PBX1: variants seen among roughly 807,000 people sequenced by gnomAD.
PBX1 encodes pre-B-cell leukemia transcription factor 1.
A neutral mutation model predicts 53.4 loss-of-function variants in PBX1; 6 were observed. The observed-to-expected ratio is 0.11, with a 90% CI of 0.06 to 0.22. PBX1 has a LOEUF of 0.22. PBX1 is among the 10% of genes least tolerant of loss of function. The pLI is 1.00. For synonymous variants in PBX1, 204 were observed against 212.3 expected (o/e 0.96, Z 0.34); for missense variants, 251 against 551.4 (o/e 0.46, Z 5.46).
rs1558044952 is a variant in PBX1 at position 164,849,344 on chromosome 1, TCCCCCGGCA to T, written c.*2678_*2686del. On this transcript the variant is annotated 3_prime_UTR_variant, in exon 9 of 9. Transcript: ENST00000420696. Reference sequence around the variant, plus strand: ...CTTAGTCTTCTCTATACCCAGCACCTCCCCCGGCACCCCCGGCAAGCCCACTATCACTTC... The same window carrying T: ...CTTAGTCTTCTCTATACCCAGCACCTCCCCCGGCAAGCCCACTATCACTTC... 4 of 1,534,972 alleles carry T rather than the reference TCCCCCGGCA, an allele frequency of 2.6e-6. No homozygotes were observed. The highest frequency in any genetic ancestry group is 1.4e-5 in the African/African-American group (1 of 72,816).
intron 2 of PBX1, among the ~76,000 whole-genome samples, chr1:164,708,418 CA>C (rs572946797): frequency 1.7e-3 from 264 of 151,982 alleles, no homozygotes; most frequent in Middle Eastern, 3.4e-3. Context: ...AATTTAGTTT[CA>C]GGGGGGTACA....
chr1:164,640,095 G>C (rs1659028604), intron 2 of PBX1, among the ~76,000 whole-genome samples: 1 of 152,150 alleles, frequency 6.6e-6, no homozygotes. Flanking sequence ...GACAAGACTT[G>C]AATTTTAGAC....
At chr1:164,870,359 TTCGA>T (rs1333241898) in intron 2 of PBX1, among the ~76,000 whole-genome samples, 2 of 101,662 alleles carry the variant, frequency 2.0e-5, no homozygotes, top group Admixed American at 1.0e-4. Context: ...CTTTCTTTCT[TTCGA>T]GATGAAGTCT....
At chr1:164,737,505 CAG>C (rs1000121862) in intron 2 of PBX1, among the ~76,000 whole-genome samples, 3 of 148,838 alleles carry the variant, frequency 2.0e-5, no homozygotes, top group East Asian at 4.0e-4. Context: ...TTTTTTGAGA[CAG>C]AGTCTCTGTC....
intron 2 of PBX1, among the ~76,000 whole-genome samples, chr1:164,785,734 T>A (rs903492501): frequency 1.3e-5 from 2 of 152,182 alleles, no homozygotes; most frequent in African/African-American, 4.8e-5. Flanking sequence ...GTAATTTGTT[T>A]GATTGCACTG....
chr1:164,881,368 A>G (rs549828401), intron 2 of PBX1, among the ~76,000 whole-genome samples: 3 of 11,820 alleles, frequency 2.5e-4, no homozygotes, highest in South Asian at 3.8e-3. Context: ...AAGGAGGAAA[A>G]GAAGGAAGGA....
chr1:164,844,812 A>G (rs1044606384), intron 8 of PBX1, among the ~76,000 whole-genome samples: 2 of 152,178 alleles, frequency 1.3e-5, no homozygotes, highest in Non-Finnish European at 2.9e-5. Context: ...GTTATACTAC[A>G]GAGTCTTTGC....
chr1:164,565,013 T>C (rs1653331537), intron 2 of PBX1, among the ~76,000 whole-genome samples: 1 of 152,144 alleles, frequency 6.6e-6, no homozygotes, highest in South Asian at 2.1e-4. Context: ...AGTCTATTTT[T>C]GAAGATACTT....
chr1:164,560,531 T>C (rs1240094356), intron 1 of PBX1: 4 of 196,554 alleles, frequency 2.0e-5, no homozygotes, highest in Non-Finnish European at 3.7e-5. Context: ...CCAAAATTAA[T>C]TTTTATCTTT....
intron 2 of PBX1, among the ~76,000 whole-genome samples, chr1:164,687,466 A>G (rs1662175324): frequency 6.8e-6 from 1 of 146,022 alleles, no homozygotes; most frequent in Admixed American, 6.9e-5. Context: ...GGAGGCTGAG[A>G]TGGGAGGATC....
chr1:164,639,856 G>A (rs1659011855), intron 2 of PBX1, among the ~76,000 whole-genome samples: 1 of 151,978 alleles, frequency 6.6e-6, no homozygotes, highest in Non-Finnish European at 1.5e-5. Flanking sequence ...TAGAGATGAG[G>A]TCTTACTATG....
At chr1:164,563,691 G>T (rs1653221871) in intron 2 of PBX1, among the ~76,000 whole-genome samples, 1 of 152,096 alleles carries the variant, frequency 6.6e-6, no homozygotes, top group African/African-American at 2.4e-5. Context: ...TTTGGAGTTG[G>T]GTGTGGGGGT....
intron 2 of PBX1, among the ~76,000 whole-genome samples, chr1:164,722,557 A>T (rs1011056785): frequency 6.6e-6 from 1 of 152,160 alleles, no homozygotes; most frequent in Non-Finnish European, 1.5e-5. Context: ...TGCATGCCTA[A>T]CTGGGCTTTT....
intron 2 of PBX1, among the ~76,000 whole-genome samples, chr1:164,645,209 A>T (rs1389953015): frequency 6.6e-6 from 1 of 152,152 alleles, no homozygotes; most frequent in African/African-American, 2.4e-5. Flanking sequence ...GATGAAGCCT[A>T]TTGTGCCCTA....
chr1:164,607,961 A>C (rs1267072583), intron 2 of PBX1, among the ~76,000 whole-genome samples: 1 of 152,184 alleles, frequency 6.6e-6, no homozygotes, highest in Non-Finnish European at 1.5e-5. Context: ...TATGTCTGTG[A>C]GCTCTGTGAA....
At chr1:164,720,027 C>T (rs892016066) in intron 2 of PBX1, among the ~76,000 whole-genome samples, 3 of 152,082 alleles carry the variant, frequency 2.0e-5, no homozygotes, top group Non-Finnish European at 2.9e-5. Context: ...ATGCTTGCCC[C>T]GTGGGAAAAT....
At chr1:164,765,009 G>T (rs540685558) in intron 2 of PBX1, among the ~76,000 whole-genome samples, 1 of 152,250 alleles carries the variant, frequency 6.6e-6, no homozygotes, top group African/African-American at 2.4e-5. Flanking sequence ...TAGCACTGGA[G>T]GACAGGTTTC....
chr1:164,776,862 ATAT>A (rs1181407586), intron 2 of PBX1, among the ~76,000 whole-genome samples: 1 of 150,212 alleles, frequency 6.7e-6, no homozygotes, highest in Non-Finnish European at 1.5e-5. Context: ...CTAAAATTTA[ATAT>A]TGAATCTCTG....
chr1:164,813,650 A>G (rs1414749302), intron 6 of PBX1: 1 of 152,244 alleles, frequency 6.6e-6, no homozygotes, highest in African/African-American at 2.4e-5. Context: ...ACACTCCTGC[A>G]AAGGTTATCA....
Sources: allele counts gnomAD v4.1 joint callset (sites outside exome capture counted in the v4.1 genomes callset), GRCh38; gene constraint gnomAD v4.1.1; transcripts MANE v1.5; gene names NCBI Gene and HGNC (gene_info 2026-07-23, HGNC 2026-07-21).